CRTAC1: variants seen among roughly 807,000 people sequenced by gnomAD.
The protein encoded by CRTAC1 is acidic secreted protein in cartilage.
Under a neutral mutation model 67.8 loss-of-function variants are expected in CRTAC1, and 37 were observed. That is an observed-to-expected ratio of 0.55 (90% CI 0.42 to 0.72). The LOEUF (loss-of-function observed/expected upper bound fraction) is 0.72, where lower values mean the gene tolerates loss of function less well. Ranked by LOEUF, CRTAC1 falls within the 30% of genes least tolerant of loss-of-function variation. The pLI is 0.00. For missense variants in CRTAC1, 780 were observed against 931.6 expected, an observed-to-expected ratio of 0.84 and a Z score of 2.12; for synonymous variants, 348 against 371.0, an observed-to-expected ratio of 0.94 and a Z score of 0.71.
intron 2 of CRTAC1, among the ~76,000 whole-genome samples, chr10:98,005,806 A>G (rs565333906): frequency 6.6e-6 from 1 of 152,286 alleles, no homozygotes; most frequent in South Asian, 2.1e-4. Flanking sequence ...TTTATCTCCT[A>G]TATGATCATG....
chr10:97,961,731 C>G (rs1298966704), intron 2 of CRTAC1, among the ~76,000 whole-genome samples: 1 of 152,214 alleles, frequency 6.6e-6, no homozygotes, highest in Non-Finnish European at 1.5e-5. Context: ...TAAACATAGA[C>G]TTCCAAGGTT....
intron 3 of CRTAC1, among the ~76,000 whole-genome samples, chr10:97,925,594 G>T (rs2136599730): frequency 6.7e-6 from 1 of 148,772 alleles, no homozygotes; most frequent in Admixed American, 6.7e-5. Flanking sequence ...GGGGATGAGA[G>T]TGTGAGAGCG....
intron 2 of CRTAC1, among the ~76,000 whole-genome samples, chr10:97,981,432 T>C (rs545384537): frequency 6.6e-6 from 1 of 152,374 alleles, no homozygotes; most frequent in South Asian, 2.1e-4. Flanking sequence ...TATGATATCA[T>C]AAATATTTCT....
chr10:97,911,371 T>A (rs2050686146), intron 5 of CRTAC1, among the ~76,000 whole-genome samples: 1 of 152,256 alleles, frequency 6.6e-6, no homozygotes, highest in African/African-American at 2.4e-5. Context: ...TGAAGCCTTG[T>A]ACCATTTGTA....
At chr10:97,900,359 C>A (rs928025736) in intron 8 of CRTAC1, among the ~76,000 whole-genome samples, 1 of 152,226 alleles carries the variant, frequency 6.6e-6, no homozygotes, top group African/African-American at 2.4e-5. Flanking sequence ...ATACTCCATC[C>A]ATCTTTTGGA....
intron 13 of CRTAC1, 39 bp from the exon 14 acceptor site, chr10:97,880,431 G>A: frequency 6.2e-7 from 1 of 1,601,888 alleles, no homozygotes; most frequent in Non-Finnish European, 8.5e-7. Flanking sequence ...GAAGGTGTGG[G>A]GCAGCAAGTA....
intron 2 of CRTAC1, among the ~76,000 whole-genome samples, chr10:98,007,493 C>G (rs574765091): frequency 6.6e-6 from 1 of 152,344 alleles, no homozygotes; most frequent in East Asian, 1.9e-4. Context: ...ACAACAGCCA[C>G]AAAGAAAGCC....
intron 7 of CRTAC1, among the ~76,000 whole-genome samples, chr10:97,904,276 C>T (rs1343862086): frequency 6.6e-6 from 1 of 152,124 alleles, no homozygotes; most frequent in Non-Finnish European, 1.5e-5. Flanking sequence ...CCTTGTCACC[C>T]CACCCCCACT....
intron 11 of CRTAC1, 111 bp from the exon 12 acceptor site, chr10:97,884,462 G>T: frequency 9.9e-7 from 1 of 1,008,146 alleles, no homozygotes; most frequent in Non-Finnish European, 1.5e-6. Flanking sequence ...ATTGAGCACT[G>T]TTCTAAGTGC....
At chr10:97,960,591 G>A (rs1428932371) in intron 2 of CRTAC1, among the ~76,000 whole-genome samples, 1 of 152,072 alleles carries the variant, frequency 6.6e-6, no homozygotes, top group East Asian at 1.9e-4. Flanking sequence ...TTACAATTCT[G>A]ATTAGCATGC....
chr10:97,908,282 C>A (rs1411959460), intron 5 of CRTAC1, 135 bp from the exon 6 acceptor site: 1 of 908,152 alleles, frequency 1.1e-6, no homozygotes, highest in African/African-American at 1.7e-5. Context: ...TTCTGCTTCC[C>A]GTGCTTTCCT....
At chr10:97,889,680 G>T (rs1330128673) in intron 11 of CRTAC1, among the ~76,000 whole-genome samples, 1 of 152,118 alleles carries the variant, frequency 6.6e-6, no homozygotes, top group Non-Finnish European at 1.5e-5. Context: ...TCTGAGAGAT[G>T]CACACGTGTA....
rs771788288 is a variant in CRTAC1 at position 97,904,824 on chromosome 10, A to C, written c.851-10T>G. 1 of 1,589,786 alleles carries C rather than the reference A, an allele frequency of 6.3e-7. No individual in the cohort carries two copies. The highest frequency in any genetic ancestry group is 1.1e-5 in the South Asian group (1 of 87,584). ...TGGGGGTCGTCCACACCTGGGGAGG[A>C]GAGGCAGGAACTCTCAGGGCGGCAT... On this transcript the variant is annotated splice_polypyrimidine_tract_variant and intron_variant, in intron 6 of 14. Coordinates refer to ENST00000370597, the MANE Select transcript of CRTAC1 (RefSeq NM_018058.7).
intron 3 of CRTAC1, among the ~76,000 whole-genome samples, chr10:97,923,989 C>T (rs1004495409): frequency 1.3e-5 from 2 of 152,024 alleles, no homozygotes; most frequent in African/African-American, 4.8e-5. Context: ...GCCCCTGGTC[C>T]CAGGACTGGG....
intron 6 of CRTAC1, among the ~76,000 whole-genome samples, chr10:97,906,435 T>C (rs1349596765): frequency 1.3e-5 from 2 of 152,104 alleles, no homozygotes. Flanking sequence ...CCTCTTGACA[T>C]GTCTTGTTAA....
At chr10:97,977,230 G>A (rs1005010157) in intron 2 of CRTAC1, among the ~76,000 whole-genome samples, 1 of 152,190 alleles carries the variant, frequency 6.6e-6, no homozygotes, top group African/African-American at 2.4e-5. Context: ...GGCATCTTTT[G>A]TGACAGGTTC....
chr10:97,902,585 G>A (rs75649141), intron 7 of CRTAC1, among the ~76,000 whole-genome samples: 6,012 of 152,168 alleles, frequency 0.04, 357 homozygotes, highest in African/African-American at 0.12. Flanking sequence ...AAGGAGAGCT[G>A]GGAAGGGCAA....
chr10:97,873,542 G>A (rs1364902691), intron 14 of CRTAC1, among the ~76,000 whole-genome samples: 1 of 152,174 alleles, frequency 6.6e-6, no homozygotes, highest in African/African-American at 2.4e-5. Context: ...TAAGCAGTTG[G>A]GGAAAGAGGA....
At chr10:97,942,268 C>T (rs557343650) in intron 2 of CRTAC1, among the ~76,000 whole-genome samples, 2 of 152,284 alleles carry the variant, frequency 1.3e-5, no homozygotes, top group Non-Finnish European at 2.9e-5. Context: ...ATCATCCAGC[C>T]CATAGTGAGC....
Sources: gnomAD v4.1 joint callset for allele counts (sites outside exome capture counted in the v4.1 genomes callset) on GRCh38, gnomAD v4.1.1 for gene constraint, MANE v1.5 for transcripts, NCBI Gene and HGNC (gene_info 2026-07-23, HGNC 2026-07-21) for gene names.